The following PRCC variants were observed in gnomAD, a reference collection of about 807,000 sequenced individuals.
PRCC encodes proline rich mitotic checkpoint control factor, also known as proline-rich protein PRCC.
In PRCC, 10 loss-of-function variants were observed where a neutral mutation model predicts 44.0. The ratio of observed to expected loss-of-function variants is 0.23; its 90% CI spans 0.14 to 0.39. The LOEUF is 0.39. Among genes scored for constraint, PRCC ranks in the 10% least tolerant of loss-of-function variants. PRCC has a pLI of 1.00. For missense variants in PRCC, 573 were observed against 624.7 expected (o/e 0.92, Z 0.88); for synonymous variants, 278 against 259.5 (o/e 1.07, Z -0.69).
chr1:156,786,795 C>G lies in PRCC; in HGVS notation c.704C>G (p.Thr235Ser). The stretch of plus-strand genomic sequence containing the variant: ...TCCTCTCTTGCCCCTGTTGTGGGCA[C>G]CACAACCACCACTCCGTCGCCCTCT... ...KTSSLAPVVG[T>S]TTTTPSPSAI... Residue 235 changes from threonine (T) to serine (S), a missense_variant, in exon 3 of 7, where the codon ACC becomes AGC. Physicochemically the swap from Thr to Ser is moderately conservative, Grantham distance 58. Transcript: ENST00000271526. 6.2e-7 allele frequency: 1 copy of G among 1,614,240 alleles called. No individual in the cohort carries two copies. The highest frequency in any genetic ancestry group is 1.1e-5 in the South Asian group (1 of 91,088).
intron 1 of PRCC, among the ~76,000 whole-genome samples, chr1:156,779,122 ATATATATTTT>A (rs1651942105): frequency 5.1e-5 from 1 of 19,706 alleles, no homozygotes; most frequent in African/African-American, 2.8e-4. Flanking sequence ...ATATATATAT[ATATATATTTT>A]TTTTTTTTTT....
intron 4 of PRCC, 88 bp downstream of exon 4, chr1:156,791,880 C>T: frequency 8.1e-7 from 1 of 1,230,376 alleles, no homozygotes; most frequent in Non-Finnish European, 1.2e-6. Context: ...AAAACACACA[C>T]ACACAAAAGA....
At chr1:156,792,857 G>T (rs900638380) in intron 4 of PRCC, among the ~76,000 whole-genome samples, 25 of 152,168 alleles carry the variant, frequency 1.6e-4, no homozygotes, top group African/African-American at 6.0e-4. Flanking sequence ...TAAAGAAGAG[G>T]AGAATGGATT....
chr1:156,795,479 T>G (rs1652633505), intron 5 of PRCC, among the ~76,000 whole-genome samples: 1 of 151,924 alleles, frequency 6.6e-6, no homozygotes, highest in Non-Finnish European at 1.5e-5. Flanking sequence ...GGAGTTTCAC[T>G]ATATTGTCCG....
intron 1 of PRCC, among the ~76,000 whole-genome samples, chr1:156,779,451 C>T (rs570045070): frequency 5.9e-5 from 9 of 152,026 alleles, no homozygotes; most frequent in South Asian, 4.1e-4. Context: ...CTGTAACCTC[C>T]GCCTCCTAGG....
chr1:156,777,834 G>A (rs1182286592), intron 1 of PRCC, among the ~76,000 whole-genome samples: 4 of 152,030 alleles, frequency 2.6e-5, no homozygotes, highest in African/African-American at 9.7e-5. Context: ...AGGTGGCAGT[G>A]ATATGGGAGG....
chr1:156,767,955 T>C lies in PRCC; in HGVS notation c.184T>C (p.Phe62Leu). 6.3e-7 allele frequency: 1 copy of C among 1,580,784 alleles called. No individual in the cohort carries two copies. The highest frequency in any genetic ancestry group is 1.1e-5 in the South Asian group (1 of 87,274). Residue 62 changes from phenylalanine to leucine, a missense_variant, in exon 1 of 7, where the codon TTT becomes CTT. By Grantham distance (22) the Phe-to-Leu change is conservative. This residue lies in a region of PRCC where 245 missense variants were observed against 188.5 expected (regional missense o/e 1.30). Coordinates refer to ENST00000271526, the MANE Select transcript of PRCC (RefSeq NM_005973.5). ...GCCCCCTCAGATGCTGGCGCCAGCC[T>C]TTCCCCCGCCGCTGTTGCTTCCCCC... The part of the protein sequence containing the change: ...PPPPQMLAPA[F>L]PPPLLLPPPT...
intron 1 of PRCC, among the ~76,000 whole-genome samples, chr1:156,771,823 G>A (rs1044927737): frequency 6.6e-6 from 1 of 151,846 alleles, no homozygotes. Context: ...GAGCCACCAC[G>A]CCTAGCCTTA....
intron 1 of PRCC, among the ~76,000 whole-genome samples, chr1:156,779,101 G>T (rs1571578547): frequency 1.6e-5 from 1 of 63,342 alleles, no homozygotes; most frequent in East Asian, 5.5e-4. Flanking sequence ...GCCCGGCCGG[G>T]TAATATATAT....
At chr1:156,769,319 C>A (rs1469615107) in intron 1 of PRCC, among the ~76,000 whole-genome samples, 1 of 152,190 alleles carries the variant, frequency 6.6e-6, no homozygotes, top group South Asian at 2.1e-4. Context: ...TTGCAACCTC[C>A]TATCACCTCC....
intron 2 of PRCC, among the ~76,000 whole-genome samples, chr1:156,783,753 A>G (rs1305992099): frequency 2.0e-5 from 3 of 152,166 alleles, no homozygotes; most frequent in South Asian, 2.1e-4. Flanking sequence ...CAAAAAAAAC[A>G]TAAAAAAATA....
intron 1 of PRCC, among the ~76,000 whole-genome samples, chr1:156,778,104 T>C (rs985836003): frequency 2.6e-4 from 39 of 152,202 alleles, no homozygotes; most frequent in Non-Finnish European, 4.9e-4. Flanking sequence ...AATACACTAT[T>C]ATTAACTATA....
At chr1:156,778,409 C>T (rs1383017391) in intron 1 of PRCC, among the ~76,000 whole-genome samples, 6 of 152,112 alleles carry the variant, frequency 3.9e-5, no homozygotes, top group Admixed American at 1.3e-4. Flanking sequence ...ATAAATACCA[C>T]GTTTTCTTTA....
intron 1 of PRCC, among the ~76,000 whole-genome samples, chr1:156,780,608 G>C (rs1233686072): frequency 1.3e-5 from 2 of 151,700 alleles, no homozygotes; most frequent in South Asian, 4.2e-4. Flanking sequence ...GTACCACCAC[G>C]CCTGACTAAA....
intron 3 of PRCC, among the ~76,000 whole-genome samples, chr1:156,789,375 G>A (rs1399010337): frequency 6.6e-6 from 1 of 152,180 alleles, no homozygotes; most frequent in Admixed American, 6.5e-5. Context: ...ATCTGATGTC[G>A]GAGCTGGTGA....
intron 3 of PRCC, among the ~76,000 whole-genome samples, chr1:156,787,690 C>A (rs1460506658): frequency 2.0e-5 from 2 of 97,734 alleles, no homozygotes; most frequent in African/African-American, 9.0e-5. Context: ...CACTCTGTTG[C>A]CCAGGCTGGA....
chr1:156,768,218 G>A lies in PRCC; in HGVS notation c.447G>A (p.Ala149=). 1 of 1,543,140 alleles carries A rather than the reference G, an allele frequency of 6.5e-7. No homozygotes were observed. The highest frequency in any genetic ancestry group is 2.4e-5 in the East Asian group (1 of 40,972). The stretch of plus-strand genomic sequence containing the variant: ...GGAAAGAGCCCGTGAAGATCGCGGC[G>A]CCGGAGTTGCATAAGGGAGATGTGA... ...KKRKEPVKIA[A]PELHKGDSDS... The change falls in exon 1 of 7, where the codon GCG becomes GCA. Residue 149 remains alanine (A), a synonymous_variant. Coordinates refer to ENST00000271526, the MANE Select transcript of PRCC (RefSeq NM_005973.5).
At position 156,800,477 on chromosome 1, in the gene PRCC, G is replaced by A; in HGVS notation, c.*17G>A. 1 of 1,613,630 alleles carries A rather than the reference G, an allele frequency of 6.2e-7. No homozygotes were observed. The highest frequency in any genetic ancestry group is 8.5e-7 in the Non-Finnish European group (1 of 1,179,620). ...GGATTCTAGGGCTCTGGAACTGATT[G>A]CTCCCAGGATCTCCTGCCAGCCCAG... On this transcript the variant is annotated 3_prime_UTR_variant, in exon 7 of 7. Transcript: ENST00000271526.
chr1:156,795,082 T>C (rs1448710455), intron 5 of PRCC, among the ~76,000 whole-genome samples: 1 of 152,130 alleles, frequency 6.6e-6, no homozygotes, highest in Non-Finnish European at 1.5e-5. Flanking sequence ...GGTTGTGGCT[T>C]CTTCTCAGGC....
Sources: allele counts gnomAD v4.1 joint callset (sites outside exome capture counted in the v4.1 genomes callset), GRCh38; gene constraint gnomAD v4.1.1; regional missense constraint gnomAD v4.1.1; transcripts MANE v1.5; gene names NCBI Gene and HGNC (gene_info 2026-07-23, HGNC 2026-07-21).